Variants in AKT3 observed in about 807,000 individuals in gnomAD.
AKT3 encodes the protein AKT serine/threonine kinase 3, also known as RAC-gamma serine/threonine-protein kinase.
A neutral mutation model predicts 65.3 loss-of-function variants in AKT3; 15 were observed. That is an observed-to-expected ratio of 0.23 (90% CI 0.15 to 0.35). The LOEUF (loss-of-function observed/expected upper bound fraction) is 0.35, where lower values mean the gene tolerates loss of function less well. Ranked by LOEUF, AKT3 falls within the 10% of genes least tolerant of loss-of-function variation. The pLI is 1.00. For synonymous variants in AKT3, 206 were observed against 183.8 expected (o/e 1.12, Z -0.98); for missense variants, 243 against 576.5 (o/e 0.42, Z 5.92).
intron 12 of AKT3, among the ~76,000 whole-genome samples, chr1:243,535,536 T>C (rs1330365715): frequency 1.3e-5 from 2 of 152,240 alleles, no homozygotes; most frequent in Admixed American, 1.3e-4. Flanking sequence ...ATCTATATGC[T>C]GCAGAATACA....
intron 2 of AKT3, among the ~76,000 whole-genome samples, chr1:243,820,829 G>C (rs979447334): frequency 2.6e-5 from 4 of 152,118 alleles, no homozygotes; most frequent in African/African-American, 9.7e-5. Context: ...GAAAGAGATG[G>C]GGAAAATGGA....
chr1:243,699,497 A>G (rs200840912), intron 2 of AKT3, among the ~76,000 whole-genome samples: 1 of 53,844 alleles, frequency 1.9e-5, no homozygotes, highest in Non-Finnish European at 4.2e-5. Context: ...ATATATATAT[A>G]TATATATATA....
intron 12 of AKT3, among the ~76,000 whole-genome samples, chr1:243,514,853 A>T (rs796375106): frequency 1.4e-4 from 22 of 152,236 alleles, no homozygotes; most frequent in African/African-American, 5.3e-4. Context: ...AAAACATGCA[A>T]CTGATACGTT....
At chr1:243,520,508 C>A (rs1420404288) in intron 12 of AKT3, among the ~76,000 whole-genome samples, 1 of 152,206 alleles carries the variant, frequency 6.6e-6, no homozygotes, top group Non-Finnish European at 1.5e-5. Context: ...CCACATCTCT[C>A]AAAACATTTC....
chr1:243,516,281 G>T (rs988857008), intron 12 of AKT3, among the ~76,000 whole-genome samples: 2 of 152,074 alleles, frequency 1.3e-5, no homozygotes, highest in African/African-American at 4.8e-5. Context: ...GAATTTATTG[G>T]CATAAAGTTA....
At chr1:243,512,016 T>TCA (rs2148362629) in intron 13 of AKT3, among the ~76,000 whole-genome samples, 1 of 152,308 alleles carries the variant, frequency 6.6e-6, no homozygotes, top group South Asian at 2.1e-4. Context: ...CACAATCCTT[T>TCA]CAGTTGGTGT....
intron 2 of AKT3, among the ~76,000 whole-genome samples, chr1:243,822,889 C>T (rs1038290778): frequency 1.3e-5 from 2 of 152,058 alleles, no homozygotes; most frequent in African/African-American, 4.8e-5. Flanking sequence ...GAAACTATTC[C>T]CAACAATTGA....
chr1:243,682,218 C>G (rs1280325109), intron 3 of AKT3, among the ~76,000 whole-genome samples: 1 of 152,030 alleles, frequency 6.6e-6, no homozygotes, highest in African/African-American at 2.4e-5. Context: ...CTACAGTTGC[C>G]TTATCACACG....
In AKT3 at chr1:243,622,924, G is replaced by T. The variant is rs144983665; in HGVS notation, c.562-7763C>A. On this transcript the variant is annotated intron_variant, in intron 6 of 13. Coordinates refer to ENST00000673466, the MANE Select transcript of AKT3 (RefSeq NM_005465.7). ...AAGAGATGCCAGTAATCAAGCAAACGCATTGGGTTATTTTAATGGACTTAC... is the reference window on the plus strand; with the variant it reads ...AAGAGATGCCAGTAATCAAGCAAACTCATTGGGTTATTTTAATGGACTTAC... Among the ~76,000 whole-genome samples the T allele has an allele frequency of 8.4e-4, 128 of 152,272 alleles. 4 individuals are homozygous for T. In the East Asian group the frequency reaches 0.023, roughly 27 times the overall value.
intron 4 of AKT3, among the ~76,000 whole-genome samples, chr1:243,657,304 G>GT (rs1681880221): frequency 6.6e-6 from 1 of 152,130 alleles, no homozygotes; most frequent in Non-Finnish European, 1.5e-5. Flanking sequence ...CTCCAGAACT[G>GT]TAAGAAATAA....
chr1:243,622,035 T>G (rs544315093), intron 6 of AKT3, among the ~76,000 whole-genome samples: 1 of 152,228 alleles, frequency 6.6e-6, no homozygotes, highest in Admixed American at 6.5e-5. Context: ...AAAACTAGAC[T>G]GTGTAACTAC....
chr1:243,774,219 G>A (rs768738404), intron 2 of AKT3, among the ~76,000 whole-genome samples: 2 of 152,106 alleles, frequency 1.3e-5, no homozygotes, highest in Non-Finnish European at 2.9e-5. Flanking sequence ...TTTTTACACT[G>A]TGAAATATAA....
intron 6 of AKT3, among the ~76,000 whole-genome samples, chr1:243,615,934 C>T (rs1319089113): frequency 6.6e-6 from 1 of 151,888 alleles, no homozygotes; most frequent in Admixed American, 6.6e-5. Context: ...GAGATAGGGT[C>T]TTGCTATGTT....
At chr1:243,603,499 C>A (rs891652397) in intron 8 of AKT3, among the ~76,000 whole-genome samples, 2 of 152,214 alleles carry the variant, frequency 1.3e-5, no homozygotes, top group African/African-American at 4.8e-5. Flanking sequence ...CTCACTGCAT[C>A]TACAGCTGTG....
intron 5 of AKT3, 81 bp downstream of exon 5, chr1:243,645,812 A>T: frequency 7.3e-7 from 1 of 1,365,894 alleles, no homozygotes; most frequent in Admixed American, 2.4e-5. Flanking sequence ...ACTGGCTGAC[A>T]TCTTTCTGCA....
At chr1:243,653,798 A>G (rs1681557053) in intron 4 of AKT3, among the ~76,000 whole-genome samples, 1 of 152,208 alleles carries the variant, frequency 6.6e-6, no homozygotes, top group African/African-American at 2.4e-5. Context: ...TTCTCATTAT[A>G]AAGTATCCTA....
chr1:243,675,208 CTTT>C, intron 3 of AKT3, among the ~76,000 whole-genome samples: 1 of 151,644 alleles, frequency 6.6e-6, no homozygotes, highest in Middle Eastern at 3.4e-3. Flanking sequence ...TTCAAAGTCA[CTTT>C]TTTTTTGAGA....
In AKT3 at chr1:243,604,278, C is replaced by T. The variant is rs181420723; in HGVS notation, c.696+9393G>A. On this transcript the variant is annotated intron_variant, in intron 8 of 13. Coordinates refer to ENST00000673466, the MANE Select transcript of AKT3 (RefSeq NM_005465.7). ...GTATTTTCCTTGCTTCCACTTTTGT[C>T]CTCTCTACTTCAACCTCTATACTGC... 1.6e-3 allele frequency among the ~76,000 whole-genome samples: 242 copies of T among 152,248 alleles called. 1 individual carries two copies. Among genetic ancestry groups the T allele is most frequent in the African/African-American group, 5.6e-3 (232 of 41,552 alleles).
intron 6 of AKT3, among the ~76,000 whole-genome samples, chr1:243,615,669 C>G (rs1313475539): frequency 6.6e-6 from 1 of 152,096 alleles, no homozygotes; most frequent in African/African-American, 2.4e-5. Flanking sequence ...CTAAATTACA[C>G]ATTTTAGAAA....
Sources: gnomAD v4.1 joint callset for allele counts (sites outside exome capture counted in the v4.1 genomes callset) on GRCh38, gnomAD v4.1.1 for gene constraint, MANE v1.5 for transcripts, NCBI Gene and HGNC (gene_info 2026-07-23, HGNC 2026-07-21) for gene names.